PCLO: variants seen among roughly 807,000 people sequenced by gnomAD.
PCLO encodes protein piccolo.
PCLO carries 82 observed loss-of-function variants against 427.5 expected under a neutral mutation model. The ratio of observed to expected loss-of-function variants is 0.19; its 90% CI spans 0.16 to 0.23. The LOEUF is 0.23. Among genes scored for constraint, PCLO ranks in the 10% least tolerant of loss-of-function variants. The pLI is 1.00. For missense variants in PCLO, 6,239 were observed against 6,115.9 expected, an observed-to-expected ratio of 1.02 and a Z score of -0.67; for synonymous variants, 2,357 against 2,155.4, an observed-to-expected ratio of 1.09 and a Z score of -2.59.
At chr7:82,992,856 T>A (rs150691213) in intron 3 of PCLO, among the ~76,000 whole-genome samples, 60 of 152,218 alleles carry the variant, frequency 3.9e-4, no homozygotes, top group South Asian at 1.0e-3. Flanking sequence ...ACCAAGGAAT[T>A]GTTTTAAAGT....
chr7:83,065,366 C>T (rs1789642184), intron 3 of PCLO, among the ~76,000 whole-genome samples: 1 of 151,422 alleles, frequency 6.6e-6, no homozygotes. Context: ...TGTAAATAGT[C>T]ACTTAAATAA....
intron 22 of PCLO, among the ~76,000 whole-genome samples, chr7:82,766,540 G>C (rs1790535701): frequency 6.6e-6 from 1 of 152,042 alleles, no homozygotes; most frequent in Admixed American, 6.6e-5. Context: ...TTCTAACATG[G>C]AAGGGAGGGA....
chr7:82,828,137 A>T (rs893437983), intron 16 of PCLO, among the ~76,000 whole-genome samples, 171 bp from the exon 17 acceptor site: 1 of 151,864 alleles, frequency 6.6e-6, no homozygotes, highest in African/African-American at 2.4e-5. Flanking sequence ...GCACAGTGAC[A>T]ATTTAAAAAT....
chr7:83,121,860 A>G (rs1473326325), intron 3 of PCLO, among the ~76,000 whole-genome samples: 2 of 78,754 alleles, frequency 2.5e-5, no homozygotes, highest in Non-Finnish European at 6.6e-5. Flanking sequence ...ACAACAAAAT[A>G]AAACTATAGC....
intron 22 of PCLO, among the ~76,000 whole-genome samples, chr7:82,764,035 A>G (rs897107266): frequency 6.6e-6 from 1 of 152,034 alleles, no homozygotes; most frequent in Non-Finnish European, 1.5e-5. Context: ...TAATTATTCA[A>G]TATAATTAAT....
At chr7:83,146,032 C>T (rs1212820184) in intron 2 of PCLO, among the ~76,000 whole-genome samples, 2 of 152,138 alleles carry the variant, frequency 1.3e-5, no homozygotes, top group Admixed American at 6.5e-5. Flanking sequence ...AATGTAGATA[C>T]CACCTCATTA....
chr7:83,131,022 C>G (rs1272387870), intron 3 of PCLO, among the ~76,000 whole-genome samples: 1 of 152,150 alleles, frequency 6.6e-6, no homozygotes, highest in African/African-American at 2.4e-5. Context: ...GTAATTCTGA[C>G]TCATTTTGAA....
At chr7:82,984,519 C>T (rs905690738) in intron 3 of PCLO, among the ~76,000 whole-genome samples, 1 of 150,992 alleles carries the variant, frequency 6.6e-6, no homozygotes, top group Non-Finnish European at 1.5e-5. Context: ...TAAGAATAGA[C>T]ATCTTGAGCA....
rs1195412440 is a variant in PCLO, at chr7:82,951,357, A to G, written c.9231T>C (p.Cys3077=). Residue 3077 remains cysteine (C), a synonymous_variant, in exon 6 of 25, where the codon TGT becomes TGC. Transcript: ENST00000333891. ...RMTPPPGPQY[C]VGSVLRSSNG... ...TAGATGACCTCAAAACACTCCCCAC[A>G]CAATACTGGGGTCCTGGTGGTGGTG... The G allele has an allele frequency of 6.2e-7, 1 of 1,607,548 alleles. No individual in the cohort carries two copies. Among genetic ancestry groups the G allele is most frequent in the South Asian group, 1.1e-5 (1 of 89,760 alleles).
chr7:82,955,780 A>C lies in PCLO; in HGVS notation c.5173T>G (p.Phe1725Val), dbSNP rs747696410. ...GATGTAGGGGATGTACCAGGAGTGA[A>C]GCTGGAAGCATGCAGACTCGAAGAT... is the stretch of plus-strand genomic sequence containing the variant. ...EGSSSLHASS[F>V]TPGTSPTSVS... The change falls in exon 5 of 25, where the codon TTC becomes GTC. Residue 1725 changes from phenylalanine (F) to valine (V), a missense_variant. By Grantham distance (50) the Phe-to-Val change is conservative (BLOSUM62 -1). Coordinates refer to ENST00000333891, the MANE Select transcript of PCLO (RefSeq NM_033026.6). The C allele has an allele frequency of 6.2e-7, 1 of 1,613,984 alleles. No homozygotes were observed.
At chr7:83,010,757 T>A (rs572677567) in intron 3 of PCLO, among the ~76,000 whole-genome samples, 2 of 151,902 alleles carry the variant, frequency 1.3e-5, no homozygotes, top group Non-Finnish European at 2.9e-5. Context: ...AGCACTAATA[T>A]AATCATGTCA....
At chr7:82,937,989 C>T (rs568677430) in intron 6 of PCLO, among the ~76,000 whole-genome samples, 2 of 151,970 alleles carry the variant, frequency 1.3e-5, no homozygotes, top group African/African-American at 4.8e-5. Flanking sequence ...AACCAACAAA[C>T]TTATCTTCTA....
intron 16 of PCLO, among the ~76,000 whole-genome samples, chr7:82,828,372 G>T (rs1249381539): frequency 6.6e-6 from 1 of 152,064 alleles, no homozygotes; most frequent in African/African-American, 2.4e-5. Flanking sequence ...CTAAAACATT[G>T]TAATGAGTGT....
chr7:82,832,161 G>A (rs1355268669), intron 16 of PCLO, among the ~76,000 whole-genome samples: 1 of 152,032 alleles, frequency 6.6e-6, no homozygotes, highest in Non-Finnish European at 1.5e-5. Flanking sequence ...ATTAATAAGG[G>A]AAAATAAAAA....
chr7:83,040,654 AT>A (rs1454142595), intron 3 of PCLO, among the ~76,000 whole-genome samples: 29 of 152,220 alleles, frequency 1.9e-4, no homozygotes, highest in African/African-American at 7.0e-4. Context: ...AAATCTATCA[AT>A]CATCTCCCCA....
Position 83,156,233 on chromosome 7 carries a change from T to C in PCLO, c.408A>G (p.Lys136=), listed in dbSNP as rs1321898946. 1.2e-6 allele frequency: 2 copies of C among 1,613,766 alleles called. No individual in the cohort carries two copies. The highest frequency in any genetic ancestry group is 1.7e-5 in the Admixed American group (1 of 59,994). ...PGRSPSTISL[K]ESKSRTDLKE... Reference sequence around the variant, plus strand: ...TTAAATCAGTTCTGGACTTTGATTCTTTCAAGCTAATAGTGGAAGGACTCC... The same window carrying C: ...TTAAATCAGTTCTGGACTTTGATTCCTTCAAGCTAATAGTGGAAGGACTCC... The change falls in exon 2 of 25, where the codon AAA becomes AAG. Residue 136 remains lysine, a synonymous_variant. Transcript: ENST00000333891.
chr7:83,084,266 T>TA (rs147894353), intron 3 of PCLO, among the ~76,000 whole-genome samples: 3,039 of 148,372 alleles, frequency 0.02, 101 homozygotes, highest in African/African-American at 0.071. Flanking sequence ...GCACCCTATT[T>TA]AAAAAAAAAA....
At chr7:82,966,877 A>C (rs1297764444) in intron 3 of PCLO, among the ~76,000 whole-genome samples, 4 of 152,180 alleles carry the variant, frequency 2.6e-5, no homozygotes, top group African/African-American at 9.6e-5. Flanking sequence ...TTATTCAAAG[A>C]CTATTATATT....
intron 3 of PCLO, among the ~76,000 whole-genome samples, chr7:83,111,968 T>G (rs1471216690): frequency 6.6e-6 from 1 of 152,194 alleles, no homozygotes; most frequent in Non-Finnish European, 1.5e-5. Flanking sequence ...ATGACATCTA[T>G]CTGTCAAAAA....
Sources: gnomAD v4.1 joint callset for allele counts (sites outside exome capture counted in the v4.1 genomes callset) on GRCh38, gnomAD v4.1.1 for gene constraint, MANE v1.5 for transcripts, NCBI Gene and HGNC (gene_info 2026-07-23, HGNC 2026-07-21) for gene names.